The following SNRPN variants were observed in gnomAD, a reference collection of about 807,000 sequenced individuals.
SNRPN encodes small nuclear ribonucleoprotein polypeptide N.
A neutral mutation model predicts 25.2 loss-of-function variants in SNRPN; 7 were observed. The ratio of observed to expected loss-of-function variants is 0.28; its 90% CI spans 0.16 to 0.52. The LOEUF (loss-of-function observed/expected upper bound fraction) is 0.52, where lower values mean the gene tolerates loss of function less well. SNRPN is among the 20% of genes least tolerant of loss of function. The probability of loss-of-function intolerance (pLI) is 0.96; values close to 1 mark genes in which losing one functional copy is unlikely to be tolerated. For synonymous variants in SNRPN, 124 were observed against 110.6 expected (o/e 1.12, Z -0.76); for missense variants, 196 against 322.5 (o/e 0.61, Z 3.00).
chr15:24,958,502 T>TTG (rs1363090745), intron 1 of SNRPN, among the ~76,000 whole-genome samples: 1 of 134,898 alleles, frequency 7.4e-6, no homozygotes, highest in Non-Finnish European at 1.6e-5. Flanking sequence ...TTTTTTTTTT[T>TTG]TTTTTTTTTT....
In SNRPN at chr15:24,887,778, G is replaced by T. The variant is rs183259190; in HGVS notation, c.-505+1189G>T. Among the ~76,000 whole-genome samples the T allele has an allele frequency of 2.0e-5, 3 of 152,214 alleles. No homozygotes were observed. The East Asian group carries it at 5.8e-4, about 30-fold the overall frequency. ...ATACCCCAGCCCATGAGGTCTGCAT[G>T]CCAGGAAGCCAAATGAGTGAGGATG... On this transcript the variant is annotated intron_variant, in intron 2 of 11. Coordinates refer to the SNRPN transcript ENST00000400097.
intron 3 of SNRPN, among the ~76,000 whole-genome samples, chr15:24,924,232 A>T (rs2060237069): frequency 6.6e-6 from 1 of 151,990 alleles, no homozygotes; most frequent in Admixed American, 6.6e-5. Flanking sequence ...GAACCCAGTG[A>T]GATTCAGAAG....
At chr15:24,930,590 C>CAAAAAAAAAAAAAA (rs67708507) in intron 3 of SNRPN, among the ~76,000 whole-genome samples, 2 of 98,328 alleles carry the variant, frequency 2.0e-5, no homozygotes, top group Non-Finnish European at 3.9e-5. Context: ...TACAAAAATA[C>CAAAAAAAAAAAAAA]AAAAAAAAAA....
intron 1 of SNRPN, among the ~76,000 whole-genome samples, chr15:24,859,374 A>G (rs2053770092): frequency 6.6e-6 from 1 of 152,150 alleles, no homozygotes; most frequent in Admixed American, 6.5e-5. Flanking sequence ...TGCCAACAAG[A>G]TTGTATTCCA....
At chr15:24,878,418 CG>C (rs1439498984) in intron 1 of SNRPN, among the ~76,000 whole-genome samples, 1 of 152,234 alleles carries the variant, frequency 6.6e-6, no homozygotes, top group African/African-American at 2.4e-5. Context: ...GGCCGATCTT[CG>C]GCGCGCCTGC....
intron 2 of SNRPN, chr15:24,909,385 C>G: frequency 6.2e-7 from 1 of 1,600,080 alleles, no homozygotes; most frequent in African/African-American, 1.3e-5. Context: ...GGCCTGCATC[C>G]AAATAGCAGG....
At chr15:24,917,094 C>T (rs1044694636) in intron 2 of SNRPN, among the ~76,000 whole-genome samples, 10 of 152,222 alleles carry the variant, frequency 6.6e-5, no homozygotes, top group South Asian at 2.1e-4. Context: ...TACAGAGCAT[C>T]GATTGGTGCA....
At chr15:24,853,398 ATT>A (rs113742775), upstream of SNRPN, among the ~76,000 whole-genome samples, 4 of 144,118 alleles carry the variant, frequency 2.8e-5, no homozygotes, top group Admixed American at 7.0e-5. Flanking sequence ...AAGTTGTCTG[ATT>A]TTTTTTTTTT....
intron 3 of SNRPN, among the ~76,000 whole-genome samples, chr15:24,935,165 G>A (rs143315840): frequency 1.2e-3 from 189 of 151,970 alleles, no homozygotes; most frequent in African/African-American, 4.4e-3. Flanking sequence ...CCAGCTACTC[G>A]TGAGGCTGAG....
Position 24,902,988 on chromosome 15 carries a change from G to A in SNRPN, c.-505+16399G>A, listed in dbSNP as rs113156662. On this transcript the variant is annotated intron_variant, in intron 2 of 11. Coordinates refer to the SNRPN transcript ENST00000400097. Reference sequence around the variant, plus strand: ...TGCTGATTGGTTCATTTTACAGAGTGCTGACTGGTCCATTTTTACAGAGTG... The same window carrying A: ...TGCTGATTGGTTCATTTTACAGAGTACTGACTGGTCCATTTTTACAGAGTG... 6.1e-3 allele frequency among the ~76,000 whole-genome samples: 925 copies of A among 152,260 alleles called. 6 individuals are homozygous for A. The highest frequency in any genetic ancestry group is 9.6e-3 in the Non-Finnish European group (655 of 68,010).
At chr15:24,911,234 T>G in intron 2 of SNRPN, 1 of 447,562 alleles carries the variant, frequency 2.2e-6, no homozygotes. Context: ...TGTAAAGAAT[T>G]TTTTAAATAA....
At chr15:24,934,181 C>T (rs11634194) in intron 3 of SNRPN, among the ~76,000 whole-genome samples, 7,285 of 151,834 alleles carry the variant, frequency 0.048, 222 homozygotes, top group African/African-American at 0.074. Context: ...GCCTGTAGTC[C>T]CAGCTACTCA....
At chr15:24,918,470 G>A (rs924113447) in intron 2 of SNRPN, among the ~76,000 whole-genome samples, 2 of 123,282 alleles carry the variant, frequency 1.6e-5, no homozygotes, top group Non-Finnish European at 3.3e-5. Context: ...ATATATATGT[G>A]TATATATATA....
At chr15:24,851,370 TG>T (rs2052809591) in intron 2 of SNRPN, 1 of 151,912 alleles carries the variant, frequency 6.6e-6, no homozygotes, top group Non-Finnish European at 1.5e-5. Flanking sequence ...AGACCTGAAA[TG>T]GAATGGACAA....
At chr15:24,827,532 A>AG (rs1305897564) in intron 1 of SNRPN, among the ~76,000 whole-genome samples, 4 of 149,836 alleles carry the variant, frequency 2.7e-5, no homozygotes, top group African/African-American at 7.4e-5. Context: ...AAAAAAAAAA[A>AG]AAAGAAACAC....
At chr15:24,863,073 A>T (rs1261141985) in intron 1 of SNRPN, among the ~76,000 whole-genome samples, 1 of 150,632 alleles carries the variant, frequency 6.6e-6, no homozygotes, top group African/African-American at 2.5e-5. Context: ...AATCCATGAG[A>T]TCTACTGACA....
rs921447004 is a variant in SNRPN at position 24,929,187 on chromosome 15, A to G, written c.-391+9063A>G. On this transcript the variant is annotated intron_variant, in intron 3 of 11. Coordinates refer to the SNRPN transcript ENST00000400097. The surrounding 1 kb of genome is among the most constrained non-coding windows in gnomAD (Gnocchi z 5.3). Reference sequence around the variant, plus strand: ...TATGTAGCTATATGTGTGTATGTGTATATATATCTTCATGTATTTATAGTG... The same window carrying G: ...TATGTAGCTATATGTGTGTATGTGTGTATATATCTTCATGTATTTATAGTG... 3.9e-5 allele frequency among the ~76,000 whole-genome samples: 6 copies of G among 152,218 alleles called. No individual in the cohort carries two copies. The highest frequency in any genetic ancestry group is 1.3e-4 in the Admixed American group (2 of 15,266).
chr15:24,871,240 A>T (rs1346950438), intron 1 of SNRPN, among the ~76,000 whole-genome samples: 1 of 151,982 alleles, frequency 6.6e-6, no homozygotes, highest in Non-Finnish European at 1.5e-5. Flanking sequence ...TGTTTGTATT[A>T]TAAAGTTATG....
In SNRPN at chr15:24,978,427, C is replaced by T; in HGVS notation, c.706C>T (p.Arg236Cys). 4.3e-6 allele frequency: 7 copies of T among 1,613,798 alleles called. No homozygotes were observed. The highest frequency in any genetic ancestry group is 1.3e-5 in the African/African-American group (1 of 75,042). The change falls in exon 10 of 10, where the codon CGT becomes TGT. Residue 236 changes from arginine (R) to cysteine (C), a missense_variant. Arg to Cys is a radical substitution (Grantham distance 180, BLOSUM62 -3). Coordinates refer to ENST00000390687, the MANE Select transcript of SNRPN (RefSeq NM_003097.6). ...TCCAGGTCCACCTCCCCCAGGAATG[C>T]GTCCACCAAGACCTTAGCATACTGT... ...GIRGPPPPGMRPPRP is the reference protein window; with the variant it reads ...GIRGPPPPGMCPPRP
Sources: allele counts gnomAD v4.1 joint callset (sites outside exome capture counted in the v4.1 genomes callset), GRCh38; gene constraint gnomAD v4.1.1; non-coding constraint Gnocchi (gnomAD v3.1); transcripts MANE v1.5; gene names NCBI Gene and HGNC (gene_info 2026-07-23, HGNC 2026-07-21).